LRP1B: variants seen among roughly 807,000 people sequenced by gnomAD.
LRP1B encodes the protein low-density lipoprotein receptor-related protein 1B.
Under a neutral mutation model 556.6 loss-of-function variants are expected in LRP1B, and 217 were observed. The ratio of observed to expected loss-of-function variants is 0.39; its 90% confidence interval spans 0.35 to 0.44. The LOEUF (loss-of-function observed/expected upper bound fraction) is 0.44, where lower values mean the gene tolerates loss of function less well. LRP1B is among the 20% of genes least tolerant of loss of function. The pLI is 1.00. For missense variants in LRP1B, 5,053 were observed against 5,620.8 expected, an observed-to-expected ratio of 0.90 and a Z score of 3.23; for synonymous variants, 2,047 against 1,865.8, an observed-to-expected ratio of 1.10 and a Z score of -2.50.
intron 2 of LRP1B, among the ~76,000 whole-genome samples, chr2:141,604,214 T>C (rs1245446994): frequency 2.0e-5 from 3 of 152,160 alleles, no homozygotes; most frequent in Non-Finnish European, 4.4e-5. Context: ...AACTATTATA[T>C]AAATTTTATA....
chr2:142,053,191 T>C (rs1704529374), intron 1 of LRP1B, among the ~76,000 whole-genome samples: 1 of 152,150 alleles, frequency 6.6e-6, no homozygotes, highest in Non-Finnish European at 1.5e-5. Context: ...TTTTCAAGCA[T>C]GACTTTGATA....
intron 41 of LRP1B, among the ~76,000 whole-genome samples, chr2:140,680,338 C>A (rs957776539): frequency 6.7e-6 from 1 of 148,932 alleles, no homozygotes; most frequent in Non-Finnish European, 1.5e-5. Context: ...AACCTTCTTG[C>A]GGGTTGCAGA....
chr2:140,450,800 A>G (rs548218772), intron 62 of LRP1B, 139 bp from the exon 63 acceptor site: 3 of 609,862 alleles, frequency 4.9e-6, no homozygotes, highest in Non-Finnish European at 8.6e-6. Flanking sequence ...ATTCCACAAT[A>G]GGAACTAAAT....
At chr2:141,952,901 T>G (rs1232259753) in intron 1 of LRP1B, among the ~76,000 whole-genome samples, 2 of 152,134 alleles carry the variant, frequency 1.3e-5, no homozygotes, top group Non-Finnish European at 2.9e-5. Context: ...GAACAGCCTG[T>G]CCTCAGAGAC....
chr2:140,416,873 C>G (rs1339533150), intron 66 of LRP1B, among the ~76,000 whole-genome samples: 1 of 150,560 alleles, frequency 6.6e-6, no homozygotes, highest in African/African-American at 2.4e-5. Context: ...TTGTTTCAGT[C>G]ACAGTTTTGG....
intron 1 of LRP1B, among the ~76,000 whole-genome samples, chr2:141,908,597 T>C (rs115446413): frequency 0.01 from 1,534 of 152,214 alleles, 27 homozygotes; most frequent in African/African-American, 0.034. Context: ...TTGCTTTTAA[T>C]ATCTTATAAT....
At chr2:141,978,466 G>A (rs531505062) in intron 1 of LRP1B, among the ~76,000 whole-genome samples, 2 of 151,824 alleles carry the variant, frequency 1.3e-5, no homozygotes, top group Non-Finnish European at 2.9e-5. Flanking sequence ...GTTTAACAAG[G>A]TGTCTAAAAA....
chr2:140,499,097 C>A (rs1047358497), intron 55 of LRP1B, among the ~76,000 whole-genome samples: 10 of 151,778 alleles, frequency 6.6e-5, no homozygotes, highest in East Asian at 1.9e-4. Flanking sequence ...AATGAAAACA[C>A]TGGCATTTAT....
chr2:140,664,222 G>A lies in LRP1B; in HGVS notation c.6799+36028C>T, dbSNP rs558010851. Among the ~76,000 whole-genome samples, 7 of 152,218 alleles carry A rather than the reference G, an allele frequency of 4.6e-5. No individual in the cohort carries two copies. In the South Asian group the frequency reaches 1.5e-3, roughly 32 times the overall value. On this transcript the variant is annotated intron_variant, in intron 41 of 90. Coordinates refer to ENST00000389484, the MANE Select transcript of LRP1B (RefSeq NM_018557.3). ...CAAGAATTACCAAAATGTAACAAAGGTACATAAAGTGAGCACATGTTATTG... is the reference window on the plus strand; with the variant it reads ...CAAGAATTACCAAAATGTAACAAAGATACATAAAGTGAGCACATGTTATTG...
chr2:140,251,130 G>T (rs1681394856), intron 86 of LRP1B, among the ~76,000 whole-genome samples: 1 of 151,712 alleles, frequency 6.6e-6, no homozygotes, highest in African/African-American at 2.4e-5. Context: ...TAGCATAGGG[G>T]AATAACTTCG....
At chr2:140,595,527 G>A (rs1225039795) in intron 43 of LRP1B, among the ~76,000 whole-genome samples, 2 of 152,032 alleles carry the variant, frequency 1.3e-5, no homozygotes, top group African/African-American at 2.4e-5. Context: ...TTGAGCATAT[G>A]TTTTACTTCC....
chr2:140,621,025 A>C (rs10182417), intron 41 of LRP1B, among the ~76,000 whole-genome samples: 34,721 of 151,932 alleles, frequency 0.23, 4,297 homozygotes, highest in Admixed American at 0.3. Flanking sequence ...TTGCAATTTT[A>C]AAATTAAAGT....
At position 140,231,650 on chromosome 2, in the gene LRP1B, C is replaced by T. The variant is rs1680474533; in HGVS notation, c.*1536G>A. The T allele has an allele frequency of 6.6e-6, 1 of 151,618 alleles. No individual in the cohort carries two copies. Among genetic ancestry groups the T allele is most frequent in the African/African-American group, 2.4e-5 (1 of 41,278 alleles). 9.4% of individuals were successfully genotyped at this position (151,618 alleles called of 1,614,324 possible). On this transcript the variant is annotated 3_prime_UTR_variant, in exon 91 of 91. Transcript: ENST00000389484. The stretch of plus-strand genomic sequence containing the variant: ...TACATAAATCAATAGTTTATAAAGG[C>T]CTCAATATGGCAAAGTTTAGAAATA...
rs180791274 is a variant in LRP1B, at chr2:140,963,975, A to G, written c.2888-12035T>C. 6.2e-3 allele frequency among the ~76,000 whole-genome samples: 937 copies of G among 152,240 alleles called. 13 individuals are homozygous for G. The highest frequency in any genetic ancestry group is 0.022 in the African/African-American group (895 of 41,554). ...CAGCTGGGCCCAGGGGACCACTACC[A>G]CCAATGCGCGGAGACCGGTAGTGGC... On this transcript the variant is annotated intron_variant, in intron 18 of 90. Transcript: ENST00000389484.
intron 3 of LRP1B, among the ~76,000 whole-genome samples, chr2:141,390,651 CATT>C (rs1690016354): frequency 6.6e-6 from 1 of 152,152 alleles, no homozygotes; most frequent in African/African-American, 2.4e-5. Context: ...ATCTCAAAAA[CATT>C]ATGCTAAGTG....
chr2:141,119,501 A>G (rs1700990235), intron 7 of LRP1B, among the ~76,000 whole-genome samples: 1 of 151,876 alleles, frequency 6.6e-6, no homozygotes, highest in African/African-American at 2.4e-5. Context: ...CACTTGGGAT[A>G]TGACTACATC....
chr2:140,595,266 G>A (rs1001255746), intron 43 of LRP1B, among the ~76,000 whole-genome samples: 5 of 151,514 alleles, frequency 3.3e-5, no homozygotes, highest in African/African-American at 1.2e-4. Flanking sequence ...GGAAGTCACT[G>A]GTTCCTGTGA....
intron 2 of LRP1B, among the ~76,000 whole-genome samples, chr2:141,625,620 C>T (rs1277880895): frequency 6.6e-6 from 1 of 152,028 alleles, no homozygotes; most frequent in Non-Finnish European, 1.5e-5. Context: ...CGACTTAGAG[C>T]TCAGTGCATA....
intron 3 of LRP1B, among the ~76,000 whole-genome samples, chr2:141,426,915 G>A (rs1680385909): frequency 2.0e-5 from 3 of 152,124 alleles, no homozygotes; most frequent in Admixed American, 1.3e-4. Flanking sequence ...TGGGATACAT[G>A]TGCAGAATGT....
Sources: gnomAD v4.1 joint callset for allele counts (sites outside exome capture counted in the v4.1 genomes callset) on GRCh38, gnomAD v4.1.1 for gene constraint, MANE v1.5 for transcripts, NCBI Gene and HGNC (gene_info 2026-07-23, HGNC 2026-07-21) for gene names.